The following SVIL variants were observed in gnomAD, a reference collection of about 807,000 sequenced individuals.
SVIL encodes archvillin.
A neutral mutation model predicts 240.4 loss-of-function variants in SVIL; 101 were observed. The ratio of observed to expected loss-of-function variants is 0.42; its 90% CI spans 0.36 to 0.50. The LOEUF is 0.50. Ranked by LOEUF, SVIL falls within the 20% of genes least tolerant of loss-of-function variation. The pLI is 0.01. For synonymous variants in SVIL, 999 were observed against 1,100.0 expected, an observed-to-expected ratio of 0.91 and a Z score of 1.82; for missense variants, 2,512 against 2,818.7, an observed-to-expected ratio of 0.89 and a Z score of 2.46.
At chr10:29,534,711 T>C (rs1951620290) in intron 7 of SVIL, among the ~76,000 whole-genome samples, 1 of 152,236 alleles carries the variant, frequency 6.6e-6, no homozygotes, top group African/African-American at 2.4e-5. Context: ...CTGTGTAGTG[T>C]TGGGCAACTC....
intron 1 of SVIL, among the ~76,000 whole-genome samples, chr10:29,689,991 A>C (rs1000438063): frequency 1.3e-5 from 2 of 152,224 alleles, no homozygotes; most frequent in African/African-American, 4.8e-5. Context: ...TCAGAGAAAA[A>C]TCTAACGTTG....
At chr10:29,712,043 A>T (rs889043914) in intron 1 of SVIL, 5 of 152,128 alleles carry the variant, frequency 3.3e-5, no homozygotes, top group African/African-American at 9.6e-5. Context: ...AATTTAAAAA[A>T]TTTTAAAGAA....
At chr10:29,560,843 C>CTT (rs34960285) in intron 3 of SVIL, among the ~76,000 whole-genome samples, 1 of 145,266 alleles carries the variant, frequency 6.9e-6, no homozygotes. Flanking sequence ...GGCACTGGCA[C>CTT]TTTTTTTTTT....
chr10:29,707,791 G>A (rs376781802), intron 1 of SVIL, among the ~76,000 whole-genome samples: 10 of 152,054 alleles, frequency 6.6e-5, no homozygotes, highest in Admixed American at 4.6e-4. Flanking sequence ...AGGACTTTTC[G>A]TGTATTATTT....
At chr10:29,593,096 A>G (rs1471791966) in intron 1 of SVIL, among the ~76,000 whole-genome samples, 1 of 152,164 alleles carries the variant, frequency 6.6e-6, no homozygotes, top group Non-Finnish European at 1.5e-5. Context: ...AATCTGCGCT[A>G]TGTTTAAAAT....
intron 17 of SVIL, among the ~76,000 whole-genome samples, chr10:29,501,530 T>G (rs538672235): frequency 6.6e-6 from 1 of 152,242 alleles, no homozygotes; most frequent in African/African-American, 2.4e-5. Context: ...GTAAAGCGTA[T>G]GAAAGTGCTC....
chr10:29,551,042 C>T lies in SVIL; in HGVS notation c.382G>A (p.Ala128Thr). Residue 128 changes from alanine to threonine, a missense_variant, in exon 6 of 38, where the codon GCC (alanine) becomes ACC (threonine). This residue lies in a region of SVIL where 1,443 missense variants were observed against 1,486.6 expected (regional missense o/e 0.97). Transcript: ENST00000355867. ...TAGCGGGATAAATACTCGGAGTCGG[C>T]CTCGGGATCCAGAGTCAGCCCATAC... ...EKYGLTLDPE[A>T]DSEYLSRYTK... is the part of the protein sequence containing the mutation. 6.2e-7 allele frequency: 1 copy of T among 1,614,088 alleles called. No homozygotes were observed. The highest frequency in any genetic ancestry group is 8.5e-7 in the Non-Finnish European group (1 of 1,180,026).
Position 29,689,809 on chromosome 10 carries a change from G to C in SVIL, c.-399-3158C>G, listed in dbSNP as rs1961366319. On this transcript the variant is annotated intron_variant, in intron 1 of 35. Coordinates refer to the SVIL transcript ENST00000375400. ...AGCCTCTATCCCTAATTCTGTTAGT[G>C]ACTGTCTCGTACCTCCCACAGATGT... 2.0e-5 allele frequency among the ~76,000 whole-genome samples: 3 copies of C among 152,180 alleles called. No homozygotes were observed. The South Asian group carries it at 6.2e-4, about 32-fold the overall frequency.
At chr10:29,729,253 T>C (rs568329193) in intron 1 of SVIL, among the ~76,000 whole-genome samples, 1 of 152,178 alleles carries the variant, frequency 6.6e-6, no homozygotes, top group East Asian at 1.9e-4. Flanking sequence ...AGTACCCCTG[T>C]GGAAAAAGAG....
chr10:29,685,175 G>T (rs761039143), intron 2 of SVIL, among the ~76,000 whole-genome samples: 4 of 152,136 alleles, frequency 2.6e-5, no homozygotes, highest in Non-Finnish European at 4.4e-5. Flanking sequence ...TACGGTATTT[G>T]GTTTTCTGTT....
chr10:29,478,459 A>G (rs1946446286), intron 29 of SVIL, among the ~76,000 whole-genome samples: 1 of 152,150 alleles, frequency 6.6e-6, no homozygotes, highest in Non-Finnish European at 1.5e-5. Flanking sequence ...GAGTACTATA[A>G]TCCCTATTTT....
chr10:29,622,392 C>T (rs1470348167), intron 1 of SVIL, among the ~76,000 whole-genome samples: 4 of 152,022 alleles, frequency 2.6e-5, no homozygotes, highest in Admixed American at 1.3e-4. Context: ...TCATCCCGCC[C>T]GGCTCCACAC....
intron 2 of SVIL, among the ~76,000 whole-genome samples, chr10:29,684,059 G>A (rs946831152): frequency 2.0e-5 from 3 of 151,648 alleles, no homozygotes; most frequent in Non-Finnish European, 2.9e-5. Flanking sequence ...CACCCCCACC[G>A]AAAAAAACTC....
chr10:29,697,147 G>A (rs544345247), intron 1 of SVIL, among the ~76,000 whole-genome samples: 6 of 104,430 alleles, frequency 5.7e-5, no homozygotes, highest in East Asian at 3.4e-4. Flanking sequence ...GAGGTGGGGG[G>A]GGTCAGCGCC....
intron 27 of SVIL, chr10:29,483,865 T>C (rs78442715): frequency 6.6e-6 from 1 of 152,352 alleles, no homozygotes; most frequent in East Asian, 1.9e-4. Context: ...TTGAAATTCA[T>C]AGACCAATTC....
intron 27 of SVIL, among the ~76,000 whole-genome samples, chr10:29,482,087 T>C (rs1309318423): frequency 6.6e-6 from 1 of 151,466 alleles, no homozygotes; most frequent in Non-Finnish European, 1.5e-5. Context: ...GAAGTGCAGT[T>C]GCACAATCAT....
intron 1 of SVIL, among the ~76,000 whole-genome samples, chr10:29,602,016 G>C (rs1375293474): frequency 6.6e-6 from 1 of 152,130 alleles, no homozygotes; most frequent in Non-Finnish European, 1.5e-5. Flanking sequence ...GTTCGATTTA[G>C]CTAAATGTTG....
intron 1 of SVIL, among the ~76,000 whole-genome samples, chr10:29,718,904 G>A (rs184144875): frequency 1.0e-3 from 154 of 152,290 alleles, no homozygotes; most frequent in African/African-American, 3.4e-3. Context: ...GAGGTCGAGA[G>A]TTTAAGACCA....
intron 18 of SVIL, chr10:29,496,439 G>T: frequency 2.2e-6 from 1 of 455,208 alleles, no homozygotes; most frequent in Non-Finnish European, 4.4e-6. Flanking sequence ...GAGTTCATTA[G>T]CACAGAGGCC....
Sources: allele counts gnomAD v4.1 joint callset (sites outside exome capture counted in the v4.1 genomes callset), GRCh38; gene constraint gnomAD v4.1.1; regional missense constraint gnomAD v4.1.1; transcripts MANE v1.5; gene names NCBI Gene and HGNC (gene_info 2026-07-23, HGNC 2026-07-21).